The following THSD4 variants were observed in gnomAD, a reference collection of about 807,000 sequenced individuals.
The protein encoded by THSD4 is thrombospondin type 1 domain containing 4, also known as thrombospondin type-1 domain-containing protein 4.
A neutral mutation model predicts 119.0 loss-of-function variants in THSD4; 69 were observed. The observed-to-expected ratio is 0.58, with a 90% CI of 0.48 to 0.71. The LOEUF (loss-of-function observed/expected upper bound fraction) is 0.71, where lower values mean the gene tolerates loss of function less well. THSD4 is among the 30% of genes least tolerant of loss of function. The pLI is 0.00. For missense variants in THSD4, 1,393 were observed against 1,391.1 expected (o/e 1.00, Z -0.02); for synonymous variants, 524 against 540.4 (o/e 0.97, Z 0.42).
chr15:71,457,394 A>G (rs934482747), intron 7 of THSD4, among the ~76,000 whole-genome samples: 40 of 151,646 alleles, frequency 2.6e-4, no homozygotes, highest in Admixed American at 9.8e-4. Flanking sequence ...AAAAAAAAAA[A>G]AAAAAAAAGC....
intron 6 of THSD4, among the ~76,000 whole-genome samples, chr15:71,309,384 C>T (rs1045258443): frequency 3.9e-5 from 6 of 152,210 alleles, no homozygotes; most frequent in Admixed American, 1.3e-4. Flanking sequence ...TGTAAGCGTT[C>T]TTTATATATT....
chr15:71,473,445 AC>A (rs1271326205), intron 7 of THSD4, among the ~76,000 whole-genome samples: 3 of 152,164 alleles, frequency 2.0e-5, no homozygotes, highest in African/African-American at 7.2e-5. Context: ...CCCAGCTGGA[AC>A]CCTGAGCACG....
intron 7 of THSD4, among the ~76,000 whole-genome samples, chr15:71,626,067 T>TAA (rs1280767609): frequency 2.1e-4 from 32 of 152,262 alleles, no homozygotes; most frequent in Admixed American, 2.0e-3. Context: ...ACAGTGTTTG[T>TAA]GAGCTTAATT....
At chr15:71,336,016 A>T (rs148539277) in intron 6 of THSD4, among the ~76,000 whole-genome samples, 1 of 152,152 alleles carries the variant, frequency 6.6e-6, no homozygotes, top group East Asian at 1.9e-4. Context: ...AAGAATCTCA[A>T]TCATTGGGGA....
chr15:71,336,891 A>C (rs529500079), intron 6 of THSD4, among the ~76,000 whole-genome samples: 1 of 152,224 alleles, frequency 6.6e-6, no homozygotes, highest in Admixed American at 6.5e-5. Context: ...CTGTTCCTTC[A>C]TGTCAACTGA....
intron 6 of THSD4, among the ~76,000 whole-genome samples, chr15:71,277,412 C>T (rs569707742): frequency 1.9e-4 from 29 of 152,154 alleles, no homozygotes; most frequent in African/African-American, 6.5e-4. Flanking sequence ...AGGTGTGAGC[C>T]GCCGTGCCTG....
chr15:71,660,833 G>C (rs530719946), intron 8 of THSD4, 99 bp downstream of exon 8: 55 of 1,371,184 alleles, frequency 4.0e-5, no homozygotes, highest in South Asian at 1.7e-4. Flanking sequence ...GAGAGTCCCG[G>C]GGCATGCAGG....
intron 7 of THSD4, among the ~76,000 whole-genome samples, chr15:71,597,890 G>A (rs1404370696): frequency 6.6e-6 from 1 of 152,102 alleles, no homozygotes; most frequent in Non-Finnish European, 1.5e-5. Flanking sequence ...GAGTTCAGAC[G>A]CTCCCTGGAA....
intron 6 of THSD4, among the ~76,000 whole-genome samples, chr15:71,273,705 T>C (rs1329696816): frequency 6.6e-6 from 1 of 152,230 alleles, no homozygotes; most frequent in Non-Finnish European, 1.5e-5. Context: ...GAGACTCATT[T>C]AGAATTATAG....
At position 71,580,522 on chromosome 15, in the gene THSD4, G is replaced by A. The variant is rs796164254; in HGVS notation, c.1153-80008G>A. Among the ~76,000 whole-genome samples, 186 of 152,194 alleles carry A rather than the reference G, an allele frequency of 1.2e-3. 2 individuals carry two copies. The highest frequency in any genetic ancestry group is 4.1e-3 in the African/African-American group (170 of 41,524). ...AAATGTAAGATCTACTCAATTTCAAGCATACAATACAGTATCATTAACTAT... is the reference window on the plus strand; with the variant it reads ...AAATGTAAGATCTACTCAATTTCAAACATACAATACAGTATCATTAACTAT... On this transcript the variant is annotated intron_variant, in intron 7 of 17. Coordinates refer to ENST00000261862, the MANE Select transcript of THSD4 (RefSeq NM_024817.3).
At chr15:71,480,898 A>G (rs1203267565) in intron 7 of THSD4, among the ~76,000 whole-genome samples, 1 of 152,216 alleles carries the variant, frequency 6.6e-6, no homozygotes, top group Non-Finnish European at 1.5e-5. Context: ...CATTGTAAAC[A>G]CATCCATGAA....
At chr15:71,215,460 C>T in intron 4 of THSD4, 61 bp downstream of exon 4, 2 of 1,424,258 alleles carry the variant, frequency 1.4e-6, no homozygotes, top group African/African-American at 1.5e-5. Context: ...GCCCCTGTCC[C>T]TGCCCCTGCC....
At chr15:71,509,338 C>A (rs947171792) in intron 7 of THSD4, among the ~76,000 whole-genome samples, 9 of 152,180 alleles carry the variant, frequency 5.9e-5, no homozygotes, top group African/African-American at 2.2e-4. Flanking sequence ...GACTTGGAGA[C>A]AAGGGGAACC....
intron 7 of THSD4, among the ~76,000 whole-genome samples, chr15:71,541,990 G>A (rs1369238046): frequency 6.6e-6 from 1 of 152,212 alleles, no homozygotes; most frequent in East Asian, 1.9e-4. Context: ...ATTGTCATAT[G>A]AAGGGATTTG....
rs539471335 is a variant in THSD4 at position 71,531,454 on chromosome 15, T to C, written c.1152+119631T>C. On this transcript the variant is annotated intron_variant, in intron 7 of 17. Transcript: ENST00000261862. ...GTGGACACATGAAAATGGATAGAAG[T>C]GGGTGAATTCAAGACACATTTCAAA... Among the ~76,000 whole-genome samples, 33 of 152,220 alleles carry C rather than the reference T, an allele frequency of 2.2e-4. 1 individual carries two copies. Among genetic ancestry groups the C allele is most frequent in the Admixed American group, 1.8e-3 (28 of 15,292 alleles).
At chr15:71,126,203 C>G (rs1474236356) in intron 1 of THSD4, among the ~76,000 whole-genome samples, 1 of 152,174 alleles carries the variant, frequency 6.6e-6, no homozygotes, top group African/African-American at 2.4e-5. Context: ...AGGGCTCTTA[C>G]CACCACCCAG....
At chr15:71,596,178 G>A (rs531307004) in intron 7 of THSD4, among the ~76,000 whole-genome samples, 38 of 152,170 alleles carry the variant, frequency 2.5e-4, no homozygotes, top group Admixed American at 3.3e-4. Flanking sequence ...ACTGTCTGTG[G>A]TGGTTGAGTG....
intron 6 of THSD4, among the ~76,000 whole-genome samples, chr15:71,318,066 TG>T (rs1042682897): frequency 6.6e-6 from 1 of 152,214 alleles, no homozygotes; most frequent in Admixed American, 6.5e-5. Flanking sequence ...CAGTGGCTTT[TG>T]GGGGGCAGTA....
At chr15:71,724,068 T>TAA (rs71154796) in intron 8 of THSD4, among the ~76,000 whole-genome samples, 1,794 of 123,456 alleles carry the variant, frequency 0.015, 40 homozygotes, top group African/African-American at 0.052. Context: ...TGTCTTTATT[T>TAA]AAAAAAAAAA....
Sources: allele counts gnomAD v4.1 joint callset (sites outside exome capture counted in the v4.1 genomes callset), GRCh38; gene constraint gnomAD v4.1.1; transcripts MANE v1.5; gene names NCBI Gene and HGNC (gene_info 2026-07-23, HGNC 2026-07-21).